PLCD3: variants seen among roughly 807,000 people sequenced by gnomAD.
PLCD3 encodes the protein 1-phosphatidylinositol 4,5-bisphosphate phosphodiesterase delta-3.
PLCD3 carries 62 observed loss-of-function variants against 82.8 expected under a neutral mutation model. The ratio of observed to expected loss-of-function variants is 0.75; its 90% CI spans 0.61 to 0.93. The LOEUF is 0.93. PLCD3 is among the 40% of genes least tolerant of loss of function. The pLI, the probability that PLCD3 is intolerant of heterozygous loss-of-function variation, is 0.00. For synonymous variants in PLCD3, 478 were observed against 471.8 expected, an observed-to-expected ratio of 1.01 and a Z score of -0.17; for missense variants, 1,023 against 1,103.4, an observed-to-expected ratio of 0.93 and a Z score of 1.03.
chr17:45,128,228 G>A (rs1050201209), intron 1 of PLCD3, among the ~76,000 whole-genome samples: 25 of 152,212 alleles, frequency 1.6e-4, no homozygotes, highest in Admixed American at 6.5e-5. Context: ...AAAGGCAGGC[G>A]GTGCTTCCCT....
At chr17:45,115,529 C>T (rs757076937) in intron 8 of PLCD3, 39 bp from the exon 9 acceptor site, 2 of 1,550,012 alleles carry the variant, frequency 1.3e-6, no homozygotes, top group Non-Finnish European at 8.8e-7. Flanking sequence ...GTTAGGCCTT[C>T]TCGCCCCTGT....
intron 4 of PLCD3, 91 bp from the exon 5 acceptor site, chr17:45,119,134 G>A (rs1221988754): frequency 1.7e-5 from 16 of 954,468 alleles, no homozygotes; most frequent in Non-Finnish European, 6.2e-6. Context: ...ATCTGAGAAG[G>A]CAATGGTCCC....
chr17:45,117,503 G>T (rs186947935), intron 7 of PLCD3, among the ~76,000 whole-genome samples: 1 of 152,318 alleles, frequency 6.6e-6, no homozygotes, highest in Admixed American at 6.5e-5. Flanking sequence ...GCCTCCCAGA[G>T]TGCTGGGAAT....
chr17:45,120,806 T>C, intron 3 of PLCD3, 96 bp downstream of exon 3: 1 of 1,329,318 alleles, frequency 7.5e-7, no homozygotes, highest in Non-Finnish European at 9.8e-7. Flanking sequence ...GACAGGGCCC[T>C]GCCTTCCCTG....
intron 8 of PLCD3, 45 bp from the exon 9 acceptor site, chr17:45,115,535 C>T: frequency 1.3e-6 from 2 of 1,523,104 alleles, no homozygotes; most frequent in Non-Finnish European, 1.8e-6. Flanking sequence ...CCTTCTCGCC[C>T]CTGTGGCAGC....
At chr17:45,117,146 T>C (rs1173704531) in intron 7 of PLCD3, among the ~76,000 whole-genome samples, 2 of 152,160 alleles carry the variant, frequency 1.3e-5, no homozygotes, top group African/African-American at 4.8e-5. Flanking sequence ...GGTTTCACCA[T>C]GTTGGCCAGG....
Position 45,120,972 on chromosome 17 carries a change from G to A in PLCD3, c.484C>T (p.Arg162Cys), listed in dbSNP as rs1173932005. 3.9e-6 allele frequency: 6 copies of A among 1,525,818 alleles called. No homozygotes were observed. In the East Asian group the frequency reaches 1.3e-4, roughly 32 times the overall value. 94.5% of individuals were successfully genotyped at this position (1,525,818 alleles called of 1,614,324 possible). A position where few individuals can be genotyped will look rare whatever the true frequency, so the allele number is the denominator to read the frequency against. ...AGCTTGGTCAGACCGCGCACCCAGC[G>A]CTGCGCTTCCTCAGCCGTGGGCGCC... Reference protein sequence around the residue: ...LAAPTAEEAQRWVRGLTKLRA... With the variant: ...LAAPTAEEAQCWVRGLTKLRA... Residue 162 changes from arginine to cysteine, a missense_variant, in exon 3 of 15, where the codon CGC (arginine) becomes TGC (cysteine). Physicochemically the swap from Arg to Cys is radical, Grantham distance 180 (BLOSUM62 -3). This residue lies in a region of PLCD3 where 448 missense variants were observed against 406.3 expected (regional missense o/e 1.10). Transcript: ENST00000619929.
In PLCD3 at chr17:45,132,221, C is replaced by A; in HGVS notation, c.163+27G>T. 8.0e-7 allele frequency: 1 copy of A among 1,255,466 alleles called. No individual in the cohort carries two copies. Among genetic ancestry groups the A allele is most frequent in the Admixed American group, 3.5e-5 (1 of 28,390 alleles). 77.8% of individuals were successfully genotyped at this position (1,255,466 alleles called of 1,614,324 possible). A position where few individuals can be genotyped will look rare whatever the true frequency, so the allele number is the denominator to read the frequency against. On this transcript the variant is annotated intron_variant, in intron 1 of 14. Transcript: ENST00000619929. This position sits in a 1 kb window ranked among gnomAD's most constrained non-coding sequence, Gnocchi z 4.6. ...GGCCTCTGGGAACGGTCCGCGCCCA[C>A]CCCACCGCCCCTTGCCCGTCACTGA...
At chr17:45,129,437 C>T (rs1241771783) in intron 1 of PLCD3, among the ~76,000 whole-genome samples, 1 of 152,180 alleles carries the variant, frequency 6.6e-6, no homozygotes, top group Non-Finnish European at 1.5e-5. Flanking sequence ...CACTGCACTC[C>T]AGCCTGGGTG....
In PLCD3 at chr17:45,112,648, G is replaced by A. The variant is rs1250544233; in HGVS notation, c.2338C>T (p.Leu780Phe). 2.4e-5 allele frequency: 39 copies of A among 1,606,868 alleles called. No homozygotes were observed. Among genetic ancestry groups the A allele is most frequent in the East Asian group, 4.5e-5 (2 of 44,656 alleles). Residue 780 changes from leucine (L) to phenylalanine (F), a missense_variant, in exon 15 of 15, where the codon CTC (leucine) becomes TTC (phenylalanine). By Grantham distance (22) the Leu-to-Phe change is conservative. Around this residue, in one of 3 missense-constraint regions of PLCD3, gnomAD observed 553 missense variants for 655.7 expected, o/e 0.84. Transcript: ENST00000619929. ...CGCTGGATGCGGATTTGGATGAAGAGCGTGGCTGGTGACAGTGAGGCCCCG... is the reference window on the plus strand; with the variant it reads ...CGCTGGATGCGGATTTGGATGAAGAACGTGGCTGGTGACAGTGAGGCCCCG... ...KDGASLSPAT[L>F]FIQIRIQRS
At position 45,111,365 on chromosome 17, in the gene PLCD3, T is replaced by TG. The variant is rs2054240296; in HGVS notation, c.*1250_*1251insC. The TG allele has an allele frequency of 1.5e-5, 2 of 134,010 alleles. No individual in the cohort carries two copies. The highest frequency in any genetic ancestry group is 6.6e-5 in the African/African-American group (2 of 30,366). 8.3% of individuals were successfully genotyped at this position (134,010 alleles called of 1,614,324 possible). A position where few individuals can be genotyped will look rare whatever the true frequency, so the allele number is the denominator to read the frequency against. On this transcript the variant is annotated 3_prime_UTR_variant, in exon 15 of 15. Transcript: ENST00000619929. ...CCTCCTCATTCAAGGCCCCTCTGTG[T>TG]ATGTGTGAGTGTGTGTGTGTGTGTG...
chr17:45,127,227 C>T (rs2054388264), intron 1 of PLCD3, among the ~76,000 whole-genome samples: 1 of 152,206 alleles, frequency 6.6e-6, no homozygotes, highest in African/African-American at 2.4e-5. Context: ...TGTTCTGATC[C>T]ATCTGTCCCC....
chr17:45,123,412 C>T (rs2054356394), intron 1 of PLCD3, among the ~76,000 whole-genome samples: 1 of 152,210 alleles, frequency 6.6e-6, no homozygotes, highest in East Asian at 1.9e-4. Context: ...GGAATGAGGT[C>T]TTATCTCCTC....
chr17:45,123,839 C>T (rs1444238670), intron 1 of PLCD3, among the ~76,000 whole-genome samples: 1 of 152,170 alleles, frequency 6.6e-6, no homozygotes, highest in East Asian at 1.9e-4. Flanking sequence ...AGACTGTGGC[C>T]CTCTGAGTGA....
intron 13 of PLCD3, 52 bp downstream of exon 13, chr17:45,113,070 C>A: frequency 1.9e-6 from 3 of 1,609,372 alleles, no homozygotes; most frequent in Non-Finnish European, 8.5e-7. Flanking sequence ...CCTGCACCAC[C>A]CTTCGCTCTC....
In PLCD3 at chr17:45,132,415, T is replaced by G. The variant is rs1381662224; in HGVS notation, c.-5A>C. 8.2e-7 allele frequency: 1 copy of G among 1,213,098 alleles called. No individual in the cohort carries two copies. The highest frequency in any genetic ancestry group is 1.6e-5 in the African/African-American group (1 of 63,382). 75.1% of individuals were successfully genotyped at this position (1,213,098 alleles called of 1,614,324 possible). On this transcript the variant is annotated 5_prime_UTR_variant, in exon 1 of 15. Coordinates refer to ENST00000619929, the MANE Select transcript of PLCD3 (RefSeq NM_133373.5). This position sits in a 1 kb window ranked among gnomAD's most constrained non-coding sequence, Gnocchi z 4.6. ...CCTCCAGCGGCCGCACAGCATGGCT[T>G]GGCGGGGGGCCGGGGCCGGGCCCGG...
In PLCD3 at chr17:45,118,136, G is replaced by T. The variant is rs777851615; in HGVS notation, c.1118C>A (p.Ala373Asp). The T allele has an allele frequency of 1.2e-6, 2 of 1,613,962 alleles. No homozygotes were observed. The highest frequency in any genetic ancestry group is 1.7e-5 in the Admixed American group (1 of 60,028). The change falls in exon 7 of 15, where the codon GCC becomes GAC. Residue 373 changes from alanine (A) to aspartate (D), a missense_variant and splice_region_variant. Transcript: ENST00000619929. The surrounding 1 kb of genome is among the most constrained non-coding windows in gnomAD (Gnocchi z 4.1). ...CACGCAGCGGCATCCCTGGGCAAAG[G>T]CCCTGTGTGTGGACAGATGGGTGGA... ...GPSSTEAYVR[A>D]FAQGCRCVEL...
Position 45,121,321 on chromosome 17 carries a change from C to A in PLCD3, c.215G>T (p.Arg72Leu), listed in dbSNP as rs1329303137. 8.3e-6 allele frequency: 13 copies of A among 1,561,374 alleles called. No homozygotes were observed. The highest frequency in any genetic ancestry group is 2.3e-5 in the South Asian group (2 of 86,000). Residue 72 changes from arginine to leucine, a missense_variant, in exon 2 of 15, where the codon CGC becomes CTC. Physicochemically the swap from Arg to Leu is moderately radical, Grantham distance 102. Around this residue, in one of 3 missense-constraint regions of PLCD3, gnomAD observed 448 missense variants for 406.3 expected, o/e 1.10. Transcript: ENST00000619929. Reference protein sequence around the residue: ...VRAMLRGSRLRKIRSRTWHKE... With the variant: ...VRAMLRGSRLLKIRSRTWHKE... ...GTGCCACGTGCGCGAGCGGATCTTG[C>A]GGAGCCGGGAGCCCCGCAGCATGGC... is the stretch of plus-strand genomic sequence containing the variant.
intron 7 of PLCD3, 117 bp downstream of exon 7, chr17:45,117,877 G>T (rs2143561085): frequency 7.3e-7 from 1 of 1,372,306 alleles, no homozygotes. Flanking sequence ...CTTGGTGAAT[G>T]AATGATTCTC....
Sources: allele counts gnomAD v4.1 joint callset (sites outside exome capture counted in the v4.1 genomes callset), GRCh38; gene constraint gnomAD v4.1.1; regional missense constraint gnomAD v4.1.1; non-coding constraint Gnocchi (gnomAD v3.1); transcripts MANE v1.5; gene names NCBI Gene and HGNC (gene_info 2026-07-23, HGNC 2026-07-21).